The following USP7 variants were observed in gnomAD, a reference collection of about 807,000 sequenced individuals.
USP7 encodes the protein ubiquitin specific peptidase 7.
USP7 carries 9 observed loss-of-function variants against 162.9 expected under a neutral mutation model. That is an observed-to-expected ratio of 0.06 (90% confidence interval 0.03 to 0.10). The LOEUF (loss-of-function observed/expected upper bound fraction) is 0.10. Ranked by LOEUF, USP7 falls within the 10% of genes least tolerant of loss-of-function variation. The pLI is 1.00. For missense variants in USP7, 715 were observed against 1,373.7 expected (o/e 0.52, Z 7.58); for synonymous variants, 562 against 475.9 (o/e 1.18, Z -2.35).
At chr16:8,927,293 GC>G (rs1898063869) in intron 2 of USP7, among the ~76,000 whole-genome samples, 1 of 150,920 alleles carries the variant, frequency 6.6e-6, no homozygotes, top group Admixed American at 6.6e-5. Flanking sequence ...CTGCACTCCA[GC>G]CTGGCCAAAA....
At chr16:8,945,885 C>G (rs1192119802) in intron 1 of USP7, among the ~76,000 whole-genome samples, 1 of 146,856 alleles carries the variant, frequency 6.8e-6, no homozygotes, top group East Asian at 2.0e-4. Flanking sequence ...ACCCCACTTC[C>G]AAAAAAAAAG....
chr16:8,942,234 C>G (rs1899080117), intron 1 of USP7, among the ~76,000 whole-genome samples: 1 of 152,260 alleles, frequency 6.6e-6, no homozygotes, highest in African/African-American at 2.4e-5. Context: ...AACAGGAAGC[C>G]ATCCATGTCC....
At chr16:8,896,627 G>C (rs1282658789) in intron 26 of USP7, among the ~76,000 whole-genome samples, 2 of 152,158 alleles carry the variant, frequency 1.3e-5, no homozygotes. Context: ...TCCAGTTTCA[G>C]TTCATCGTTC....
intron 13 of USP7, among the ~76,000 whole-genome samples, chr16:8,905,602 A>T (rs910677354): frequency 1.3e-5 from 2 of 152,318 alleles, no homozygotes; most frequent in East Asian, 1.9e-4. Context: ...CAATTTTTAT[A>T]ATCTACTGAA....
chr16:8,930,209 A>T, intron 2 of USP7, 84 bp downstream of exon 2: 1 of 1,045,560 alleles, frequency 9.6e-7, no homozygotes, highest in Non-Finnish European at 1.4e-6. Flanking sequence ...CCAAGGATGT[A>T]CCCAAGAAGT....
chr16:8,942,438 G>C (rs1257153469), intron 1 of USP7, among the ~76,000 whole-genome samples: 2 of 152,216 alleles, frequency 1.3e-5, no homozygotes, highest in African/African-American at 4.8e-5. Flanking sequence ...GTGAGGGTCT[G>C]ACCACCTGCA....
chr16:8,932,844 G>A (rs1428026741), intron 1 of USP7, among the ~76,000 whole-genome samples: 2 of 151,748 alleles, frequency 1.3e-5, no homozygotes, highest in East Asian at 1.9e-4. Flanking sequence ...AAATTTTTAA[G>A]AAGTAACATG....
intron 1 of USP7, among the ~76,000 whole-genome samples, chr16:8,959,244 C>T (rs1167957996): frequency 6.6e-6 from 1 of 152,046 alleles, no homozygotes; most frequent in African/African-American, 2.4e-5. Flanking sequence ...ATGGCAAAAC[C>T]CAGATTCAAA....
At position 8,898,272 on chromosome 16, in the gene USP7, G is replaced by A. The variant is rs191062553; in HGVS notation, c.2718+88C>T. 1.2e-4 allele frequency: 129 copies of A among 1,102,358 alleles called. No homozygotes were observed. In the East Asian group the frequency reaches 2.9e-3, roughly 25 times the overall value. 68.3% of individuals were successfully genotyped at this position (1,102,358 alleles called of 1,614,324 possible). ...CTGTTGTTTAGAGTGTTTTTCTGTG[G>A]TGTCTTAGTTTTCAATGTCTGGGGA... On this transcript the variant is annotated intron_variant, in intron 25 of 30. Coordinates refer to ENST00000344836, the MANE Select transcript of USP7 (RefSeq NM_003470.3).
At chr16:8,898,222 G>T (rs1467051025) in intron 25 of USP7, 138 bp downstream of exon 25, 8 of 747,514 alleles carry the variant, frequency 1.1e-5, no homozygotes, top group African/African-American at 1.8e-5. Flanking sequence ...GACTGGCCCA[G>T]GGCTCCCCCA....
intron 1 of USP7, among the ~76,000 whole-genome samples, chr16:8,942,124 A>C (rs1448203334): frequency 6.6e-6 from 1 of 152,248 alleles, no homozygotes; most frequent in African/African-American, 2.4e-5. Context: ...GGGAAGGGGA[A>C]GGTGGGCAGG....
rs1002810994 is a variant in USP7, at chr16:8,916,415, A to G, written c.906+87T>C. ...AACAAAGATGGGCATTTTCTGAATT[A>G]GGTCTGAGGTTTTACTTGGTAATAA... is the stretch of plus-strand genomic sequence containing the variant. On this transcript the variant is annotated intron_variant, in intron 8 of 30. Transcript: ENST00000344836. The G allele has an allele frequency of 7.8e-6, 5 of 643,588 alleles. No homozygotes were observed. The South Asian group carries it at 1.2e-4, about 16-fold the overall frequency. The allele number at this position is 643,588 out of a possible 1,614,324, so 39.9% of individuals were successfully genotyped here. A position where few individuals can be genotyped will look rare whatever the true frequency, so the allele number is the denominator to read the frequency against.
rs532426990 is a variant in USP7, at chr16:8,940,872, GTCCAGAACCTGGAATATATACAGTC to G, written c.80-10500_80-10476del. ...GGCAGGAGAATCACTTATATACAGT[GTCCAGAACCTGGAATATATACAGTC>G]TCCAGAACCTGGAGGTAATCAAGTG... On this transcript the variant is annotated intron_variant, in intron 1 of 30. Coordinates refer to ENST00000344836, the MANE Select transcript of USP7 (RefSeq NM_003470.3). 2.4e-3 allele frequency among the ~76,000 whole-genome samples: 358 copies of G among 152,284 alleles called. 1 individual carries two copies. The highest frequency in any genetic ancestry group is 7.9e-3 in the African/African-American group (330 of 41,558).
At chr16:8,899,213 C>A (rs773800153) in intron 22 of USP7, 25 bp from the exon 23 acceptor site, 32 of 1,611,800 alleles carry the variant, frequency 2.0e-5, no homozygotes, top group Admixed American at 1.3e-4. Context: ...GGAAGGTTCA[C>A]ATTTTGGGGA....
chr16:8,944,135 ACT>A (rs1899175796), intron 1 of USP7, among the ~76,000 whole-genome samples: 1 of 151,748 alleles, frequency 6.6e-6, no homozygotes. Context: ...AGGAACAGAA[ACT>A]CTCCTTCTTG....
At chr16:8,960,938 C>CCTGGATA (rs1401374956) in intron 1 of USP7, among the ~76,000 whole-genome samples, 1 of 152,110 alleles carries the variant, frequency 6.6e-6, no homozygotes, top group Non-Finnish European at 1.5e-5. Flanking sequence ...AAAGGGACCT[C>CCTGGATA]CTGGATAATG....
chr16:8,899,199 G>T lies in USP7; in HGVS notation c.2464-11C>A. On this transcript the variant is annotated splice_polypyrimidine_tract_variant and intron_variant, in intron 22 of 30. Transcript: ENST00000344836. ...AACTGTCTTTGCAACCTAAGACACA[G>T]AAAGGAAGGTTCACATTTTGGGGAA... 1.9e-6 allele frequency: 3 copies of T among 1,613,118 alleles called. No homozygotes were observed. The highest frequency in any genetic ancestry group is 2.2e-5 in the South Asian group (2 of 90,664).
intron 1 of USP7, among the ~76,000 whole-genome samples, chr16:8,933,852 T>C (rs1371011857): frequency 6.6e-6 from 1 of 151,404 alleles, no homozygotes; most frequent in Non-Finnish European, 1.5e-5. Flanking sequence ...ATCTCCTGGG[T>C]TCAAATAATC....
In USP7 at chr16:8,893,248, C is replaced by A. The variant is rs1400479187; in HGVS notation, c.*750G>T. On this transcript the variant is annotated 3_prime_UTR_variant, in exon 31 of 31. Coordinates refer to ENST00000344836, the MANE Select transcript of USP7 (RefSeq NM_003470.3). ...CGAAATTCTATTTATAATCCTTTCACCTGCTCGTATGAACTGTTGAGATCG... is the reference window on the plus strand; with the variant it reads ...CGAAATTCTATTTATAATCCTTTCAACTGCTCGTATGAACTGTTGAGATCG... 2 of 152,196 alleles carry A rather than the reference C, an allele frequency of 1.3e-5. No homozygotes were observed. Among genetic ancestry groups the A allele is most frequent in the African/African-American group, 4.8e-5 (2 of 41,438 alleles). 9.4% of individuals were successfully genotyped at this position (152,196 alleles called of 1,614,324 possible). A position where few individuals can be genotyped will look rare whatever the true frequency, so the allele number is the denominator to read the frequency against.
Sources: gnomAD v4.1 joint callset for allele counts (sites outside exome capture counted in the v4.1 genomes callset) on GRCh38, gnomAD v4.1.1 for gene constraint, MANE v1.5 for transcripts, NCBI Gene and HGNC (gene_info 2026-07-23, HGNC 2026-07-21) for gene names.